Variants in SDCBP observed in about 807,000 individuals in gnomAD.
The protein encoded by SDCBP is syndecan binding protein, also known as syntenin-1.
Under a neutral mutation model 30.5 loss-of-function variants are expected in SDCBP, and 22 were observed. That is an observed-to-expected ratio of 0.72 (90% CI 0.52 to 1.03). SDCBP has a LOEUF of 1.03. SDCBP is among the 50% of genes least tolerant of loss of function. The pLI is 0.00. For missense variants in SDCBP, 304 were observed against 369.9 expected (o/e 0.82, Z 1.46); for synonymous variants, 103 against 118.7 (o/e 0.87, Z 0.86).
chr8:58,565,060 C>A lies in SDCBP; in HGVS notation c.27C>A (p.Asp9Glu). The change falls in exon 2 of 9, where the codon GAC becomes GAA. Residue 9 changes from aspartate to glutamate, a missense_variant. By Grantham distance (45) the Asp-to-Glu change is conservative. Coordinates refer to ENST00000260130, the MANE Select transcript of SDCBP (RefSeq NM_005625.4). MSLYPSLE[D>E]LKVDKVIQAQ... is the part of the protein sequence containing the mutation. Reference sequence around the variant, plus strand: ...TGTCTCTCTATCCATCTCTCGAAGACTTGAAGGTAGACAAAGTAATTCAGG... The same window carrying A: ...TGTCTCTCTATCCATCTCTCGAAGAATTGAAGGTAGACAAAGTAATTCAGG... 6.3e-7 allele frequency: 1 copy of A among 1,589,888 alleles called. No individual in the cohort carries two copies. The highest frequency in any genetic ancestry group is 8.6e-7 in the Non-Finnish European group (1 of 1,165,166).
chr8:58,571,939 A>G (rs1805051458), intron 3 of SDCBP, among the ~76,000 whole-genome samples: 1 of 152,224 alleles, frequency 6.6e-6, no homozygotes, highest in Admixed American at 6.5e-5. Context: ...TATTTGGAAA[A>G]GTTATTTCTA....
In SDCBP at chr8:58,565,003, T is replaced by G; in HGVS notation, c.-15-16T>G. The G allele has an allele frequency of 6.6e-7, 1 of 1,505,752 alleles. No individual in the cohort carries two copies. Among genetic ancestry groups the G allele is most frequent in the Non-Finnish European group, 9.2e-7 (1 of 1,090,860 alleles). 93.3% of individuals were successfully genotyped at this position (1,505,752 alleles called of 1,614,324 possible). A position where few individuals can be genotyped will look rare whatever the true frequency, so the allele number is the denominator to read the frequency against. On this transcript the variant is annotated splice_polypyrimidine_tract_variant and intron_variant, in intron 1 of 8. Transcript: ENST00000260130. Reference sequence around the variant, plus strand: ...TCTATGACATTAGAGTAATAAAACTTTCTTTTTTTCTTTAGAAGAATCCTG... The same window carrying G: ...TCTATGACATTAGAGTAATAAAACTGTCTTTTTTTCTTTAGAAGAATCCTG...
At chr8:58,556,442 G>C (rs1160948474) in intron 1 of SDCBP, among the ~76,000 whole-genome samples, 1 of 152,184 alleles carries the variant, frequency 6.6e-6, no homozygotes, top group Non-Finnish European at 1.5e-5. Flanking sequence ...TGGCCCGGGG[G>C]TTGGGAACTC....
intron 2 of SDCBP, among the ~76,000 whole-genome samples, chr8:58,567,829 T>G (rs1237173912): frequency 6.6e-6 from 1 of 152,218 alleles, no homozygotes; most frequent in Non-Finnish European, 1.5e-5. Context: ...TGTAGGCAAT[T>G]GTTACACAAT....
At chr8:58,557,870 C>T (rs1030622521) in intron 1 of SDCBP, among the ~76,000 whole-genome samples, 2 of 152,150 alleles carry the variant, frequency 1.3e-5, no homozygotes, top group Non-Finnish European at 2.9e-5. Context: ...TTAGTTCGTA[C>T]AATAATAATG....
At chr8:58,566,905 G>A (rs1012573665) in intron 2 of SDCBP, among the ~76,000 whole-genome samples, 1 of 152,114 alleles carries the variant, frequency 6.6e-6, no homozygotes, top group African/African-American at 2.4e-5. Context: ...ACAGTCCCTA[G>A]ACCTTTTTCT....
In SDCBP at chr8:58,578,086, G is replaced by A. The variant is rs150406431; in HGVS notation, c.456G>A (p.Leu152=). 2 of 1,613,888 alleles carry A rather than the reference G, an allele frequency of 1.2e-6. No homozygotes were observed. The highest frequency in any genetic ancestry group is 1.7e-5 in the Admixed American group (1 of 60,018). ...QANSPASLVG[L]RFGDQVLQIN... ...ATTCTCCAGCCTCATTGGTTGGTCT[G>A]AGATTTGGGGACCAAGTACTTCAGA... The change falls in exon 6 of 9, where the codon CTG becomes CTA. Residue 152 remains leucine (L), a synonymous_variant. Transcript: ENST00000260130.
chr8:58,570,627 T>G (rs1804962208), intron 2 of SDCBP: 2 of 330,364 alleles, frequency 6.1e-6, no homozygotes, highest in South Asian at 1.7e-4. Flanking sequence ...CACTATGAAG[T>G]GCTGGTTATA....
At position 58,572,314 on chromosome 8, in the gene SDCBP, G is replaced by C. The variant is rs781223727; in HGVS notation, c.240G>C (p.Gly80=). The change falls in exon 4 of 9, where the codon GGG becomes GGC. Residue 80 remains glycine, a splice_region_variant and synonymous_variant. Coordinates refer to ENST00000260130, the MANE Select transcript of SDCBP (RefSeq NM_005625.4). ...TGGTTTCTGGTGCACCACTTCAGGG[G>C]GTATGTATAGTGTAATTAATTTTGA... ...VAVVSGAPLQ[G]QLVARPSSIN... The C allele has an allele frequency of 6.4e-7, 1 of 1,562,354 alleles. No homozygotes were observed. Among genetic ancestry groups the C allele is most frequent in the South Asian group, 1.1e-5 (1 of 90,032 alleles).
chr8:58,557,418 TAATA>T (rs958698879), intron 1 of SDCBP, among the ~76,000 whole-genome samples: 12 of 140,332 alleles, frequency 8.6e-5, no homozygotes, highest in Middle Eastern at 3.8e-3. Flanking sequence ...TAATGTAATA[TAATA>T]TATATTATAT....
At chr8:58,578,357 A>G in intron 6 of SDCBP, 149 bp downstream of exon 6, 3 of 493,906 alleles carry the variant, frequency 6.1e-6, no homozygotes, top group Non-Finnish European at 3.4e-6. Flanking sequence ...TGTGGTGCAG[A>G]TTTTTCTTAC....
chr8:58,562,225 G>GA (rs1489450179), intron 1 of SDCBP, among the ~76,000 whole-genome samples: 1 of 151,932 alleles, frequency 6.6e-6, no homozygotes, highest in Non-Finnish European at 1.5e-5. Context: ...CCAATCAAAA[G>GA]ACATAGAGGG....
chr8:58,568,844 C>T (rs1345706383), intron 2 of SDCBP, among the ~76,000 whole-genome samples: 1 of 152,156 alleles, frequency 6.6e-6, no homozygotes, highest in Non-Finnish European at 1.5e-5. Context: ...CCTGTTCTTC[C>T]TTCCCTTCTA....
chr8:58,571,016 TC>T (rs1255342644), intron 3 of SDCBP, 51 bp downstream of exon 3: 2 of 1,377,946 alleles, frequency 1.5e-6, no homozygotes, highest in Middle Eastern at 1.8e-4. Flanking sequence ...ATTGTTATCT[TC>T]TTTTGCTCAT....
At chr8:58,574,272 A>G (rs1408592734) in intron 4 of SDCBP, among the ~76,000 whole-genome samples, 2 of 152,222 alleles carry the variant, frequency 1.3e-5, no homozygotes, top group Non-Finnish European at 2.9e-5. Context: ...ATTTAAAGGC[A>G]AAAGTGTAAA....
At position 58,569,055 on chromosome 8, in the gene SDCBP, T is replaced by C. The variant is rs573822824; in HGVS notation, c.52-1832T>C. On this transcript the variant is annotated intron_variant, in intron 2 of 8. Transcript: ENST00000260130. ...CTAGTTTAAAAAGAAAATTTTTTTTTCCCCCAAAACGGAGTCTGGCTCTGT... is the reference window on the plus strand; with the variant it reads ...CTAGTTTAAAAAGAAAATTTTTTTTCCCCCCAAAACGGAGTCTGGCTCTGT... Among the ~76,000 whole-genome samples, 11 of 152,002 alleles carry C rather than the reference T, an allele frequency of 7.2e-5. No homozygotes were observed. The East Asian group carries it at 7.7e-4, about 11-fold the overall frequency.
Position 58,572,075 on chromosome 8 carries a change from G to A in SDCBP, c.131-130G>A, listed in dbSNP as rs56346013. 674 of 590,088 alleles carry A rather than the reference G, an allele frequency of 1.1e-3. 3 individuals carry two copies. Among genetic ancestry groups the A allele is most frequent in the Admixed American group, 2.8e-3 (99 of 35,108 alleles). 36.6% of individuals were successfully genotyped at this position (590,088 alleles called of 1,614,324 possible). ...AGATGGGGAGATGCCTTTCCAAATT[G>A]CTACTTTAAATTCATTCTAGATTTT... On this transcript the variant is annotated intron_variant, in intron 3 of 8. Coordinates refer to ENST00000260130, the MANE Select transcript of SDCBP (RefSeq NM_005625.4).
intron 4 of SDCBP, among the ~76,000 whole-genome samples, chr8:58,572,982 A>G (rs540105229): frequency 1.3e-5 from 2 of 151,438 alleles, no homozygotes; most frequent in South Asian, 2.1e-4. Context: ...AATTTTTTGT[A>G]TTTTTAGTAG....
At chr8:58,572,056 G>A (rs752718889) in intron 3 of SDCBP, 149 bp from the exon 4 acceptor site, 7 of 571,440 alleles carry the variant, frequency 1.2e-5, no homozygotes, top group East Asian at 2.8e-5. Context: ...ACAGAGATGG[G>A]GAGATGCCTT....
Sources: allele counts gnomAD v4.1 joint callset (sites outside exome capture counted in the v4.1 genomes callset), GRCh38; gene constraint gnomAD v4.1.1; transcripts MANE v1.5; gene names NCBI Gene and HGNC (gene_info 2026-07-23, HGNC 2026-07-21).